Variants in DOCK4 observed in about 807,000 individuals in gnomAD.
DOCK4 encodes dedicator of cytokinesis 4, also known as dedicator of cytokinesis protein 4.
Under a neutral mutation model 268.1 loss-of-function variants are expected in DOCK4, and 97 were observed. The ratio of observed to expected loss-of-function variants is 0.36; its 90% CI spans 0.31 to 0.43. DOCK4 has a LOEUF of 0.43. Among genes scored for constraint, DOCK4 ranks in the 20% least tolerant of loss-of-function variants. The pLI is 1.00. For synonymous variants in DOCK4, 954 were observed against 887.2 expected (o/e 1.08, Z -1.34); for missense variants, 2,145 against 2,455.7 (o/e 0.87, Z 2.67).
At chr7:112,117,267 A>G (rs1812260098) in intron 1 of DOCK4, among the ~76,000 whole-genome samples, 1 of 152,250 alleles carries the variant, frequency 6.6e-6, no homozygotes, top group Admixed American at 6.5e-5. Flanking sequence ...GTCTTTTTAA[A>G]GTCAAAATGT....
At chr7:112,193,610 A>AG (rs1254598580) in intron 1 of DOCK4, among the ~76,000 whole-genome samples, 1 of 151,842 alleles carries the variant, frequency 6.6e-6, no homozygotes, top group African/African-American at 2.4e-5. Flanking sequence ...AAAAAAAAAA[A>AG]AAAAAATTCT....
intron 1 of DOCK4, among the ~76,000 whole-genome samples, chr7:112,029,585 T>C (rs1335621432): frequency 1.3e-5 from 2 of 152,216 alleles, no homozygotes; most frequent in African/African-American, 2.4e-5. Context: ...TGAACCTCCA[T>C]GCTAATTTAA....
chr7:112,078,643 C>T (rs1808298907), intron 1 of DOCK4, among the ~76,000 whole-genome samples: 2 of 152,066 alleles, frequency 1.3e-5, no homozygotes, highest in Admixed American at 1.3e-4. Flanking sequence ...AATGGTCAAA[C>T]AATATAGACA....
At chr7:111,769,761 G>A in intron 36 of DOCK4, 84 bp from the exon 37 acceptor site, 1 of 1,457,564 alleles carries the variant, frequency 6.9e-7, no homozygotes, top group Non-Finnish European at 9.2e-7. Flanking sequence ...GACAAACTGG[G>A]GAAAAAAAAT....
chr7:111,824,604 T>C (rs1473162665), intron 26 of DOCK4, among the ~76,000 whole-genome samples: 1 of 152,122 alleles, frequency 6.6e-6, no homozygotes. Flanking sequence ...GGTGGGGGAC[T>C]GTGCTGTCAG....
intron 1 of DOCK4, among the ~76,000 whole-genome samples, chr7:112,152,957 A>G (rs1001614610): frequency 6.6e-5 from 10 of 152,190 alleles, no homozygotes; most frequent in Non-Finnish European, 1.5e-4. Context: ...TTTGTGTTTA[A>G]CCATTTCAAA....
intron 1 of DOCK4, among the ~76,000 whole-genome samples, chr7:112,040,250 A>G (rs1384081357): frequency 1.3e-5 from 2 of 152,208 alleles, no homozygotes; most frequent in Non-Finnish European, 2.9e-5. Flanking sequence ...TCAGAATTCT[A>G]AAGAGAAACA....
intron 50 of DOCK4, among the ~76,000 whole-genome samples, chr7:111,736,131 G>A (rs1466051865): frequency 2.6e-5 from 4 of 152,172 alleles, no homozygotes; most frequent in Non-Finnish European, 5.9e-5. Context: ...CCCAAGGAAA[G>A]TTCTAATGTA....
intron 8 of DOCK4, among the ~76,000 whole-genome samples, chr7:111,975,175 A>G (rs969107900): frequency 4.6e-5 from 7 of 152,184 alleles, no homozygotes; most frequent in African/African-American, 1.7e-4. Flanking sequence ...GCTGAGGCAC[A>G]AGAATCACTT....
chr7:112,091,517 G>A (rs1480828043), intron 1 of DOCK4, among the ~76,000 whole-genome samples: 2 of 152,146 alleles, frequency 1.3e-5, no homozygotes, highest in Non-Finnish European at 2.9e-5. Flanking sequence ...AAGGCTATCT[G>A]CTAGAATAGG....
At chr7:112,196,550 G>C (rs963351597) in intron 1 of DOCK4, among the ~76,000 whole-genome samples, 4 of 152,102 alleles carry the variant, frequency 2.6e-5, no homozygotes, top group Non-Finnish European at 5.9e-5. Context: ...GAATTAAAAA[G>C]ATGGGGTGAA....
chr7:111,751,359 T>C (rs1796633489), intron 42 of DOCK4, among the ~76,000 whole-genome samples: 1 of 152,178 alleles, frequency 6.6e-6, no homozygotes, highest in Non-Finnish European at 1.5e-5. Flanking sequence ...ACTTACAGAT[T>C]GAAAGAGACT....
At chr7:112,184,140 C>A (rs1238516757) in intron 1 of DOCK4, among the ~76,000 whole-genome samples, 1 of 152,196 alleles carries the variant, frequency 6.6e-6, no homozygotes, top group East Asian at 1.9e-4. Context: ...GTGCCTAATG[C>A]ACAGACCTGT....
intron 1 of DOCK4, among the ~76,000 whole-genome samples, chr7:112,015,309 G>C (rs1801722191): frequency 6.6e-6 from 1 of 152,202 alleles, no homozygotes; most frequent in African/African-American, 2.4e-5. Flanking sequence ...TAAAGGGGAA[G>C]AACCCTCAGT....
chr7:112,201,789 T>C (rs1003229626), intron 1 of DOCK4, among the ~76,000 whole-genome samples: 2 of 152,130 alleles, frequency 1.3e-5, no homozygotes, highest in Non-Finnish European at 2.9e-5. Context: ...CTAAAGCATG[T>C]TCCCCCTGTC....
chr7:112,077,898 CT>C (rs1296617006), intron 1 of DOCK4, among the ~76,000 whole-genome samples: 2 of 151,934 alleles, frequency 1.3e-5, no homozygotes, highest in African/African-American at 4.8e-5. Flanking sequence ...TAAAAGGTAG[CT>C]AAGACACATC....
chr7:112,051,706 C>A (rs1440464140), intron 1 of DOCK4, among the ~76,000 whole-genome samples: 1 of 151,368 alleles, frequency 6.6e-6, no homozygotes, highest in Admixed American at 6.6e-5. Flanking sequence ...AGGGAAGAAC[C>A]TTTGGAGCTG....
chr7:111,836,181 C>T (rs529190624), intron 25 of DOCK4, among the ~76,000 whole-genome samples: 130 of 148,870 alleles, frequency 8.7e-4, no homozygotes, highest in Non-Finnish European at 1.5e-3. Flanking sequence ...TGTGCTCACA[C>T]AGGACTGGGA....
chr7:111,863,245 A>C (rs1308743587), intron 23 of DOCK4, 127 bp downstream of exon 23: 7 of 971,446 alleles, frequency 7.2e-6, no homozygotes, highest in Non-Finnish European at 1.1e-5. Context: ...TTACCATCCA[A>C]ATAAACAATG....
Sources: gnomAD v4.1 joint callset for allele counts (sites outside exome capture counted in the v4.1 genomes callset) on GRCh38, gnomAD v4.1.1 for gene constraint, MANE v1.5 for transcripts, NCBI Gene and HGNC (gene_info 2026-07-23, HGNC 2026-07-21) for gene names.